PARD3B: variants seen among roughly 807,000 people sequenced by gnomAD.
PARD3B encodes par-3 family cell polarity regulator beta.
PARD3B carries 103 observed loss-of-function variants against 130.2 expected under a neutral mutation model. The ratio of observed to expected loss-of-function variants is 0.79; its 90% CI spans 0.67 to 0.93. The LOEUF (loss-of-function observed/expected upper bound fraction) is 0.93, where lower values mean the gene tolerates loss of function less well. Ranked by LOEUF, PARD3B falls within the 40% of genes least tolerant of loss-of-function variation. The pLI is 0.00. For synonymous variants in PARD3B, 583 were observed against 553.2 expected (o/e 1.05, Z -0.76); for missense variants, 1,609 against 1,499.2 (o/e 1.07, Z -1.21).
chr2:205,232,597 C>G (rs1216877737), intron 15 of PARD3B, among the ~76,000 whole-genome samples: 1 of 152,010 alleles, frequency 6.6e-6, no homozygotes, highest in Non-Finnish European at 1.5e-5. Context: ...AGAACTGACA[C>G]AGATGTTAGA....
chr2:205,497,001 T>A (rs945311532), intron 20 of PARD3B, among the ~76,000 whole-genome samples: 1 of 152,020 alleles, frequency 6.6e-6, no homozygotes, highest in African/African-American at 2.4e-5. Context: ...ACAGACACCA[T>A]GGTCATCTCG....
chr2:204,988,930 G>A (rs958850866), intron 3 of PARD3B, among the ~76,000 whole-genome samples: 10 of 152,200 alleles, frequency 6.6e-5, no homozygotes, highest in South Asian at 2.1e-4. Flanking sequence ...AAAGAAATAC[G>A]TTCATCTCTT....
chr2:204,586,468 T>A (rs894722743), intron 1 of PARD3B, among the ~76,000 whole-genome samples: 1 of 152,198 alleles, frequency 6.6e-6, no homozygotes, highest in Non-Finnish European at 1.5e-5. Flanking sequence ...AGAGATTAAA[T>A]GTTGCCGAAG....
chr2:205,405,563 C>T lies in PARD3B; in HGVS notation c.2741+4440C>T, dbSNP rs1030771788. On this transcript the variant is annotated intron_variant, in intron 19 of 22. Coordinates refer to ENST00000406610, the MANE Select transcript of PARD3B (RefSeq NM_001302769.2). The surrounding 1 kb of genome is among the most constrained non-coding windows in gnomAD (Gnocchi z 4.1). Reference sequence around the variant, plus strand: ...TAGCTATTTGAGAATGGTACCCAAACATTACTGATGAATATCCCATCAATC... The same window carrying T: ...TAGCTATTTGAGAATGGTACCCAAATATTACTGATGAATATCCCATCAATC... 6.6e-6 allele frequency among the ~76,000 whole-genome samples: 1 copy of T among 152,166 alleles called. No homozygotes were observed. The highest frequency in any genetic ancestry group is 1.5e-5 in the Non-Finnish European group (1 of 68,030).
chr2:205,252,853 CAAAA>C (rs770957813), intron 16 of PARD3B, among the ~76,000 whole-genome samples: 1 of 80,454 alleles, frequency 1.2e-5, no homozygotes, highest in East Asian at 4.3e-4. Flanking sequence ...CCCCCCCCAC[CAAAA>C]AAAAAAAAAA....
intron 4 of PARD3B, among the ~76,000 whole-genome samples, chr2:205,090,402 C>A (rs1431318834): frequency 6.6e-6 from 1 of 152,134 alleles, no homozygotes; most frequent in Non-Finnish European, 1.5e-5. Context: ...TGTTTTTAAC[C>A]ATTCCTTGTT....
intron 15 of PARD3B, among the ~76,000 whole-genome samples, chr2:205,238,985 A>C (rs2039232110): frequency 6.7e-6 from 1 of 148,672 alleles, no homozygotes; most frequent in Non-Finnish European, 1.5e-5. Context: ...AAAAGCTGGC[A>C]AAAGTGGTGA....
intron 4 of PARD3B, among the ~76,000 whole-genome samples, 172 bp from the exon 5 acceptor site, chr2:205,104,254 G>A (rs1703033525): frequency 6.6e-6 from 1 of 152,174 alleles, no homozygotes; most frequent in Admixed American, 6.5e-5. Context: ...GGAGAGAAAA[G>A]AACATTGAAA....
intron 12 of PARD3B, 58 bp downstream of exon 12, chr2:205,172,439 G>A (rs1265770232): frequency 5.2e-6 from 8 of 1,526,380 alleles, no homozygotes; most frequent in Non-Finnish European, 7.2e-6. Context: ...AGAATATGCA[G>A]ACTTCCATTC....
At chr2:205,317,757 A>G (rs893649941) in intron 18 of PARD3B, among the ~76,000 whole-genome samples, 1 of 152,194 alleles carries the variant, frequency 6.6e-6, no homozygotes, top group African/African-American at 2.4e-5. Flanking sequence ...AAATTTAAAA[A>G]CCATATACAA....
chr2:204,646,668 C>T (rs562645853), intron 1 of PARD3B, among the ~76,000 whole-genome samples: 3 of 151,962 alleles, frequency 2.0e-5, no homozygotes, highest in East Asian at 1.9e-4. Context: ...ATTCATTTTC[C>T]ACTTCCCAGA....
intron 18 of PARD3B, among the ~76,000 whole-genome samples, chr2:205,389,207 A>G (rs2045765080): frequency 6.6e-6 from 1 of 152,170 alleles, no homozygotes; most frequent in Non-Finnish European, 1.5e-5. Flanking sequence ...TACTTACACA[A>G]TAAAAAGAGA....
At position 204,884,408 on chromosome 2, in the gene PARD3B, G is replaced by A. The variant is rs1039505925; in HGVS notation, c.223-80744G>A. On this transcript the variant is annotated intron_variant, in intron 2 of 22. Transcript: ENST00000406610. The stretch of plus-strand genomic sequence containing the variant: ...ATTTTATTTGAAGTCATCATGAAAT[G>A]TAAATGGAATAGAAAATTTCCTTTT... 3.3e-5 allele frequency among the ~76,000 whole-genome samples: 5 copies of A among 152,180 alleles called. No homozygotes were observed. The South Asian group carries it at 8.3e-4, about 25-fold the overall frequency.
chr2:205,398,725 TAA>T (rs2046127824), intron 18 of PARD3B, among the ~76,000 whole-genome samples: 2 of 152,222 alleles, frequency 1.3e-5, no homozygotes, highest in South Asian at 4.1e-4. Flanking sequence ...CCGACTTGAC[TAA>T]CATCCTCTAC....
chr2:204,545,998 G>A lies in PARD3B; in HGVS notation c.-2G>A, dbSNP rs2029897762. 1 of 1,564,078 alleles carries A rather than the reference G, an allele frequency of 6.4e-7. No homozygotes were observed. The highest frequency in any genetic ancestry group is 2.4e-5 in the East Asian group (1 of 41,654). On this transcript the variant is annotated 5_prime_UTR_variant, in exon 1 of 23. Coordinates refer to ENST00000406610, the MANE Select transcript of PARD3B (RefSeq NM_001302769.2). ...GGCCCGGCGTGGTCGCCGGGGGCCA[G>A]GATGAAAGTGACCGTGTGCTTCGGC... is the stretch of plus-strand genomic sequence containing the variant.
In PARD3B at chr2:204,894,223, T is replaced by C. The variant is rs2046557345; in HGVS notation, c.223-70929T>C. Reference sequence around the variant, plus strand: ...GTATTCAGAGATTAATGGTGTCCTTTGCAAAGAATGTGTGTATTCTACTTG... The same window carrying C: ...GTATTCAGAGATTAATGGTGTCCTTCGCAAAGAATGTGTGTATTCTACTTG... On this transcript the variant is annotated intron_variant, in intron 2 of 22. Coordinates refer to ENST00000406610, the MANE Select transcript of PARD3B (RefSeq NM_001302769.2). Among the ~76,000 whole-genome samples the C allele has an allele frequency of 2.0e-5, 3 of 152,292 alleles. No individual in the cohort carries two copies. The South Asian group carries it at 6.2e-4, about 32-fold the overall frequency.
chr2:205,618,574 C>G lies in PARD3B; in HGVS notation c.*2761C>G, dbSNP rs374749274. The G allele has an allele frequency of 6.6e-6, 1 of 152,234 alleles. No homozygotes were observed. The highest frequency in any genetic ancestry group is 1.5e-5 in the Non-Finnish European group (1 of 68,056). 9.4% of individuals were successfully genotyped at this position (152,234 alleles called of 1,614,324 possible). ...AGAGAGTGGCACATTGAGCTCCAAACCCAATCAACATACATCCACTTGGCT... is the reference window on the plus strand; with the variant it reads ...AGAGAGTGGCACATTGAGCTCCAAAGCCAATCAACATACATCCACTTGGCT... On this transcript the variant is annotated 3_prime_UTR_variant, in exon 23 of 23. Transcript: ENST00000406610.
chr2:204,988,716 T>C (rs1365268430), intron 3 of PARD3B, among the ~76,000 whole-genome samples: 1 of 152,196 alleles, frequency 6.6e-6, no homozygotes, highest in Non-Finnish European at 1.5e-5. Context: ...ATTTTAGATT[T>C]GGAAATTGTT....
chr2:205,070,734 T>C (rs1700675998), intron 4 of PARD3B, among the ~76,000 whole-genome samples: 1 of 152,174 alleles, frequency 6.6e-6, no homozygotes, highest in Non-Finnish European at 1.5e-5. Context: ...CATCCATCCA[T>C]TGCAAGCATC....
Sources: allele counts gnomAD v4.1 joint callset (sites outside exome capture counted in the v4.1 genomes callset), GRCh38; gene constraint gnomAD v4.1.1; non-coding constraint Gnocchi (gnomAD v3.1); transcripts MANE v1.5; gene names NCBI Gene and HGNC (gene_info 2026-07-23, HGNC 2026-07-21).